The following PUDP variants were observed in gnomAD, a reference collection of about 807,000 sequenced individuals.
PUDP encodes pseudouridine 5'-phosphatase.
In PUDP, 8 loss-of-function variants were observed where a neutral mutation model predicts 9.4. The observed-to-expected ratio is 0.85, with a 90% CI of 0.50 to 1.53. The LOEUF (loss-of-function observed/expected upper bound fraction) is 1.53, where lower values mean the gene tolerates loss of function less well. PUDP is among the 40% of genes most tolerant of loss of function. PUDP has a pLI of 0.00. For missense variants in PUDP, 188 were observed against 189.7 expected, an observed-to-expected ratio of 0.99 and a Z score of 0.05; for synonymous variants, 99 against 80.7, an observed-to-expected ratio of 1.23 and a Z score of -1.22.
At chrX:6,725,007 T>C (rs1210780961), upstream of PUDP, among the ~76,000 whole-genome samples, 1 of 111,785 alleles carries the variant, frequency 8.9e-6, no homozygotes, top group African/African-American at 3.2e-5. Context: ...CTAACCGTCC[T>C]TTCCCCTAAT....
intron 1 of PUDP, 101 bp from the exon 2 acceptor site, chrX:7,105,939 A>G (rs1263251494): frequency 3.7e-6 from 2 of 543,800 alleles, no homozygotes; most frequent in Non-Finnish European, 5.7e-6. Flanking sequence ...TCATTCCATG[A>G]ACAAAGGCTT....
intron 3 of PUDP, among the ~76,000 whole-genome samples, chrX:7,073,624 T>G (rs1323334291): frequency 8.9e-6 from 1 of 112,750 alleles, no homozygotes; most frequent in African/African-American, 3.2e-5. Context: ...GCCTCCTGTA[T>G]TCCTGACACA....
At position 6,760,089 on chromosome X, in the gene PUDP, C is replaced by A. The variant is rs188424869; in HGVS notation, c.*248-53623G>T. Among the ~76,000 whole-genome samples, 3 of 112,085 alleles carry A rather than the reference C, an allele frequency of 2.7e-5. No individual in the cohort carries two copies. In the East Asian group the frequency reaches 8.5e-4, roughly 32 times the overall value. On this transcript the variant is annotated intron_variant and NMD_transcript_variant, in intron 3 of 3. Transcript: ENST00000655425. Reference sequence around the variant, plus strand: ...AATTACTGGAGGTTGGCAGATCCAACTGCAAGGCAATGCCATCTTTCTACA... The same window carrying A: ...AATTACTGGAGGTTGGCAGATCCAAATGCAAGGCAATGCCATCTTTCTACA...
chrX:7,034,301 CTGATA>C (rs1251327102), intron 1 of PUDP, among the ~76,000 whole-genome samples: 1 of 111,846 alleles, frequency 8.9e-6, no homozygotes, highest in Non-Finnish European at 1.9e-5. Context: ...ACCATCCCAA[CTGATA>C]TAAGTGGTGA....
At chrX:6,797,310 C>T (rs1048770496) in intron 3 of PUDP, among the ~76,000 whole-genome samples, 1 of 111,660 alleles carries the variant, frequency 9.0e-6, no homozygotes, top group African/African-American at 3.3e-5. Context: ...AAATGCCCCC[C>T]AACAGTCCCT....
At chrX:7,070,040 T>C (rs1424957041) in intron 3 of PUDP, among the ~76,000 whole-genome samples, 1 of 112,059 alleles carries the variant, frequency 8.9e-6, no homozygotes, top group Non-Finnish European at 1.9e-5. Flanking sequence ...TACAAATCTA[T>C]CTTTACTCTT....
At chrX:7,045,262 C>G (rs746119708), downstream of PUDP, among the ~76,000 whole-genome samples, 1 of 112,931 alleles carries the variant, frequency 8.9e-6, no homozygotes, top group African/African-American at 3.2e-5. Flanking sequence ...CCCAGCCACA[C>G]AAAGCTGTGA....
At chrX:6,960,956 T>C (rs1437693271) in intron 3 of PUDP, among the ~76,000 whole-genome samples, 1 of 112,050 alleles carries the variant, frequency 8.9e-6, no homozygotes, top group Non-Finnish European at 1.9e-5. Flanking sequence ...TTTGTTGCAA[T>C]GAAGCTTTTT....
intron 3 of PUDP, among the ~76,000 whole-genome samples, chrX:7,057,387 C>A (rs1400583523): frequency 9.1e-6 from 1 of 110,029 alleles, no homozygotes; most frequent in Admixed American, 9.7e-5. Flanking sequence ...TGGTCTCCCC[C>A]TAACGCATTA....
chrX:7,038,428 TA>T (rs771738967), intron 1 of PUDP, among the ~76,000 whole-genome samples: 3 of 112,365 alleles, frequency 2.7e-5, no homozygotes, highest in Non-Finnish European at 5.6e-5. Context: ...AGTGAACACA[TA>T]GGGGGTTCTT....
At chrX:6,989,514 G>A (rs1602703685) in intron 1 of PUDP, 1 of 158,391 alleles carries the variant, frequency 6.3e-6, no homozygotes, top group East Asian at 1.5e-4. Flanking sequence ...TTCAAGAGGA[G>A]TCCACTCTTC....
chrX:7,138,582 G>T (rs756947524), intron 1 of PUDP, among the ~76,000 whole-genome samples: 4 of 110,883 alleles, frequency 3.6e-5, no homozygotes, highest in Non-Finnish European at 7.6e-5. Context: ...CATGTTGGCC[G>T]GGGTGGTCTC....
At chrX:7,033,134 C>T (rs1215925101) in intron 1 of PUDP, among the ~76,000 whole-genome samples, 2 of 111,613 alleles carry the variant, frequency 1.8e-5, no homozygotes, top group Non-Finnish European at 3.8e-5. Context: ...ATGCTTCCTG[C>T]CCTCAAAAAT....
At chrX:7,101,236 T>C (rs1569159916) in intron 2 of PUDP, among the ~76,000 whole-genome samples, 1 of 111,394 alleles carries the variant, frequency 9.0e-6, no homozygotes, top group Admixed American at 9.5e-5. Flanking sequence ...TATATGCGTG[T>C]GCACACACAC....
In PUDP at chrX:7,027,808, C is replaced by CTA. The variant is rs1270976240; in HGVS notation, c.204+49410_204+49411dup. ...CTATATATATAGAATATATTATTTTCTATATATAGACTATAGAATATACTA... is the reference window on the plus strand; with the variant it reads ...CTATATATATAGAATATATTATTTTCTATATATATAGACTATAGAATATACTA... On this transcript the variant is annotated intron_variant and NMD_transcript_variant, in intron 1 of 3. Transcript: ENST00000655425. Among the ~76,000 whole-genome samples the CTA allele has an allele frequency of 1.4e-3, 6 of 4,183 alleles. No individual in the cohort carries two copies. The Admixed American group carries it at 0.014, about 10-fold the overall frequency. The allele number at this position is 4,183 out of a possible 115,157, so 3.6% of individuals were successfully genotyped here.
At chrX:7,032,579 A>G (rs950071367) in intron 1 of PUDP, among the ~76,000 whole-genome samples, 49 of 112,408 alleles carry the variant, frequency 4.4e-4, no homozygotes, top group African/African-American at 1.5e-3. Context: ...AACACATATA[A>G]ATCTCAGAAA....
intron 3 of PUDP, among the ~76,000 whole-genome samples, chrX:6,746,330 C>A (rs1924998829): frequency 8.9e-6 from 1 of 112,314 alleles, no homozygotes; most frequent in Admixed American, 9.4e-5. Flanking sequence ...ACTTATTTTT[C>A]TATCTCCCCT....
intron 1 of PUDP, among the ~76,000 whole-genome samples, chrX:7,029,722 C>A (rs1181163889): frequency 8.9e-6 from 1 of 111,749 alleles, no homozygotes; most frequent in African/African-American, 3.3e-5. Context: ...CTGTTCATTG[C>A]CATGGAGTAA....
intron 2 of PUDP, among the ~76,000 whole-genome samples, chrX:7,099,462 C>T (rs1259743667): frequency 6.2e-5 from 7 of 112,352 alleles, no homozygotes; most frequent in African/African-American, 9.7e-5. Flanking sequence ...CTTGGCTGAC[C>T]GACAGTTTAC....
Sources: gnomAD v4.1 joint callset for allele counts (sites outside exome capture counted in the v4.1 genomes callset) on GRCh38, gnomAD v4.1.1 for gene constraint, MANE v1.5 for transcripts, NCBI Gene and HGNC (gene_info 2026-07-23, HGNC 2026-07-21) for gene names.